The following THSD4 variants were observed in gnomAD, a reference collection of about 807,000 sequenced individuals.
THSD4 encodes thrombospondin type-1 domain-containing protein 4.
A neutral mutation model predicts 119.0 loss-of-function variants in THSD4; 69 were observed. That is an observed-to-expected ratio of 0.58 (90% CI 0.48 to 0.71). The LOEUF (loss-of-function observed/expected upper bound fraction) is 0.71. THSD4 is among the 30% of genes least tolerant of loss of function. The pLI is 0.00. For synonymous variants in THSD4, 524 were observed against 540.4 expected, an observed-to-expected ratio of 0.97 and a Z score of 0.42; for missense variants, 1,393 against 1,391.1, an observed-to-expected ratio of 1.00 and a Z score of -0.02.
intron 7 of THSD4, among the ~76,000 whole-genome samples, chr15:71,477,199 G>A (rs545383161): frequency 6.6e-6 from 1 of 152,320 alleles, no homozygotes; most frequent in African/African-American, 2.4e-5. Context: ...CGTGCACGGA[G>A]CCAGCCAGGG....
intron 6 of THSD4, among the ~76,000 whole-genome samples, chr15:71,289,236 G>T (rs1237029308): frequency 1.3e-5 from 2 of 152,254 alleles, no homozygotes; most frequent in Admixed American, 1.3e-4. Context: ...GGACCCCATG[G>T]ATGCTCAGCC....
intron 16 of THSD4, among the ~76,000 whole-genome samples, chr15:71,768,960 TG>T (rs1242425955): frequency 9.4e-6 from 1 of 105,976 alleles, no homozygotes; most frequent in Non-Finnish European, 2.0e-5. Flanking sequence ...GGGAGGGAGG[TG>T]GGGGGGTCGG....
chr15:71,434,147 A>G (rs1222425330), intron 7 of THSD4, among the ~76,000 whole-genome samples: 1 of 152,230 alleles, frequency 6.6e-6, no homozygotes, highest in Non-Finnish European at 1.5e-5. Flanking sequence ...CCAAAGGCTT[A>G]TTAATGTCAA....
intron 7 of THSD4, among the ~76,000 whole-genome samples, chr15:71,543,809 C>T (rs951121948): frequency 6.6e-6 from 1 of 152,130 alleles, no homozygotes; most frequent in Non-Finnish European, 1.5e-5. Context: ...AGGTGGATCA[C>T]CTGAGGTTGG....
intron 7 of THSD4, among the ~76,000 whole-genome samples, chr15:71,588,035 G>A (rs895556202): frequency 4.6e-5 from 7 of 151,988 alleles, no homozygotes; most frequent in South Asian, 2.1e-4. Context: ...GGCCGGGCGC[G>A]GTGGCTCACG....
chr15:71,325,053 G>A (rs117365020), intron 6 of THSD4, among the ~76,000 whole-genome samples: 67 of 152,134 alleles, frequency 4.4e-4, no homozygotes, highest in Non-Finnish European at 7.2e-4. Context: ...TTGCCCTGAT[G>A]ATTAGTGATG....
intron 6 of THSD4, among the ~76,000 whole-genome samples, chr15:71,363,853 A>G (rs974018207): frequency 6.6e-6 from 1 of 152,220 alleles, no homozygotes; most frequent in Admixed American, 6.5e-5. Context: ...TAACTCAGTT[A>G]AAGTAATGAA....
At chr15:71,359,148 G>A (rs2045860560) in intron 6 of THSD4, among the ~76,000 whole-genome samples, 1 of 152,112 alleles carries the variant, frequency 6.6e-6, no homozygotes, top group African/African-American at 2.4e-5. Flanking sequence ...CTTCTGCTAT[G>A]AATTACTCAG....
At chr15:71,444,246 T>C (rs1004526848) in intron 7 of THSD4, among the ~76,000 whole-genome samples, 4 of 152,148 alleles carry the variant, frequency 2.6e-5, no homozygotes, top group Non-Finnish European at 5.9e-5. Context: ...AAAAGGGATG[T>C]TTACACTAAG....
At chr15:71,696,029 G>T (rs539250425) in intron 8 of THSD4, among the ~76,000 whole-genome samples, 1 of 152,182 alleles carries the variant, frequency 6.6e-6, no homozygotes, top group Non-Finnish European at 1.5e-5. Context: ...GCACAGAGAG[G>T]CCTCAATAAA....
chr15:71,775,172 A>C (rs1352509221), intron 17 of THSD4, among the ~76,000 whole-genome samples: 1 of 152,166 alleles, frequency 6.6e-6, no homozygotes, highest in African/African-American at 2.4e-5. Flanking sequence ...AAGCAATTAC[A>C]TTTCTATAAC....
intron 2 of THSD4, among the ~76,000 whole-genome samples, chr15:71,143,496 G>T (rs913845346): frequency 6.6e-6 from 1 of 151,864 alleles, no homozygotes; most frequent in African/African-American, 2.4e-5. Flanking sequence ...TTCGAAAAGG[G>T]CAAGCAGATT....
intron 6 of THSD4, among the ~76,000 whole-genome samples, chr15:71,296,992 G>T (rs2044871503): frequency 6.6e-6 from 1 of 151,946 alleles, no homozygotes; most frequent in Non-Finnish European, 1.5e-5. Flanking sequence ...CTTTCTTTTG[G>T]CTGTTTCTGC....
At chr15:71,598,681 G>C (rs1367954480) in intron 7 of THSD4, among the ~76,000 whole-genome samples, 2 of 152,074 alleles carry the variant, frequency 1.3e-5, no homozygotes, top group African/African-American at 4.8e-5. Context: ...TGTAGTGCGA[G>C]ATCATAGCTC....
intron 14 of THSD4, among the ~76,000 whole-genome samples, chr15:71,755,788 T>C (rs1391369050): frequency 2.8e-5 from 4 of 144,228 alleles, no homozygotes; most frequent in Admixed American, 6.9e-5. Flanking sequence ...TAGAGTGCCA[T>C]GAGAATTCCA....
intron 7 of THSD4, among the ~76,000 whole-genome samples, chr15:71,430,629 C>T (rs1005746983): frequency 3.3e-5 from 5 of 151,712 alleles, no homozygotes; most frequent in Admixed American, 6.6e-5. Flanking sequence ...TGGTGGTGCC[C>T]GCCTCTAATC....
At chr15:71,743,021 C>T (rs1470550133) in intron 11 of THSD4, among the ~76,000 whole-genome samples, 3 of 151,860 alleles carry the variant, frequency 2.0e-5, no homozygotes, top group African/African-American at 7.3e-5. Flanking sequence ...TGCCACTTCA[C>T]TCCAGCCTGG....
At chr15:71,632,062 A>G (rs115023776) in intron 7 of THSD4, among the ~76,000 whole-genome samples, 3 of 152,306 alleles carry the variant, frequency 2.0e-5, no homozygotes, top group African/African-American at 7.2e-5. Flanking sequence ...TAATAATCAT[A>G]CCTATCTTAT....
chr15:71,472,573 G>A (rs1255070911), intron 7 of THSD4, among the ~76,000 whole-genome samples: 1 of 152,162 alleles, frequency 6.6e-6, no homozygotes, highest in Non-Finnish European at 1.5e-5. Context: ...CAGAGGCTTG[G>A]CTTCTCTAAC....
Sources: gnomAD v4.1 joint callset for allele counts (sites outside exome capture counted in the v4.1 genomes callset) on GRCh38, gnomAD v4.1.1 for gene constraint, MANE v1.5 for transcripts, NCBI Gene and HGNC (gene_info 2026-07-23, HGNC 2026-07-21) for gene names.